The following DMD variants were observed in gnomAD, a reference collection of about 807,000 sequenced individuals.
DMD encodes mutant dystrophin.
In DMD, 63 loss-of-function variants were observed where a neutral mutation model predicts 330.1. The ratio of observed to expected loss-of-function variants is 0.19; its 90% CI spans 0.16 to 0.24. DMD has a LOEUF of 0.24. Ranked by LOEUF, DMD falls within the 10% of genes least tolerant of loss-of-function variation. The pLI is 1.00. For synonymous variants in DMD, 1,223 were observed against 959.8 expected (o/e 1.27, Z -5.07); for missense variants, 3,344 against 2,684.1 (o/e 1.25, Z -5.43).
intron 7 of DMD, among the ~76,000 whole-genome samples, chrX:32,777,037 C>T (rs1239735806): frequency 9.4e-6 from 1 of 106,161 alleles, no homozygotes; most frequent in East Asian, 3.0e-4. Flanking sequence ...GGGCGTGAGG[C>T]CTATATAGCA....
At chrX:31,825,978 T>C (rs2092886006) in intron 49 of DMD, among the ~76,000 whole-genome samples, 1 of 111,775 alleles carries the variant, frequency 8.9e-6, no homozygotes, top group African/African-American at 3.2e-5. Flanking sequence ...ATTTGTTGGT[T>C]AGATATTATG....
At chrX:31,877,512 C>A (rs917207029) in intron 47 of DMD, among the ~76,000 whole-genome samples, 1 of 112,200 alleles carries the variant, frequency 8.9e-6, no homozygotes, top group Non-Finnish European at 1.9e-5. Flanking sequence ...TCATTCCTGG[C>A]AGCCTTTCCC....
At chrX:31,640,687 A>G (rs995286077) in intron 54 of DMD, among the ~76,000 whole-genome samples, 1 of 112,504 alleles carries the variant, frequency 8.9e-6, no homozygotes, top group Non-Finnish European at 1.9e-5. Context: ...TGCTAACCCG[A>G]TAACTCCATG....
At chrX:32,934,649 T>C (rs1420874738) in intron 2 of DMD, among the ~76,000 whole-genome samples, 2 of 111,815 alleles carry the variant, frequency 1.8e-5, no homozygotes, top group African/African-American at 6.5e-5. Context: ...ATATATGTAA[T>C]GGATATGTAA....
At chrX:31,750,528 T>C (rs184647818) in intron 51 of DMD, among the ~76,000 whole-genome samples, 3 of 111,416 alleles carry the variant, frequency 2.7e-5, no homozygotes, top group East Asian at 5.7e-4. Flanking sequence ...ACCAGTACCA[T>C]GCTGTTTTGG....
intron 62 of DMD, among the ~76,000 whole-genome samples, chrX:31,292,318 A>G (rs1603305732): frequency 8.9e-6 from 1 of 112,017 alleles, no homozygotes; most frequent in East Asian, 2.8e-4. Context: ...GATACTTCAC[A>G]CAACAGGATA....
Position 31,688,180 on chromosome X carries a change from G to A in DMD, c.7661-8594C>T, listed in dbSNP as rs773019889. ...TTCAAAAAAATCAATGAATCCAGGA[G>A]CCAGTTTTTTGAAAAGATCAACAGA... is the stretch of plus-strand genomic sequence containing the variant. On this transcript the variant is annotated intron_variant, in intron 52 of 78. Transcript: ENST00000357033. Among the ~76,000 whole-genome samples the A allele has an allele frequency of 9.7e-4, 107 of 110,434 alleles. 1 individual carries two copies. The Admixed American group carries it at 0.01, about 10-fold the overall frequency.
chrX:32,252,260 C>G (rs1052852523), intron 43 of DMD, among the ~76,000 whole-genome samples: 1 of 110,535 alleles, frequency 9.0e-6, no homozygotes, highest in African/African-American at 3.3e-5. Flanking sequence ...TTGCAGGTCT[C>G]TGCTTCAATA....
chrX:32,407,686 C>T (rs370419866), intron 30 of DMD, among the ~76,000 whole-genome samples: 49 of 109,984 alleles, frequency 4.5e-4, no homozygotes, highest in African/African-American at 7.9e-4. Context: ...ATGTTTATTG[C>T]GGCACTATTC....
chrX:32,707,326 T>C lies in DMD; in HGVS notation c.650-8033A>G, dbSNP rs144581589. On this transcript the variant is annotated intron_variant, in intron 7 of 78. Coordinates refer to ENST00000357033, the MANE Select transcript of DMD (RefSeq NM_004006.3). ...CACTTGCCACTGTATCCCTGCTTCA[T>C]TGAATTGCCTTCCATAAAAGCCCTC... 3.9e-3 allele frequency among the ~76,000 whole-genome samples: 441 copies of C among 112,034 alleles called. 3 individuals are homozygous for C. Among genetic ancestry groups the C allele is most frequent in the African/African-American group, 0.013 (416 of 30,826 alleles).
intron 48 of DMD, among the ~76,000 whole-genome samples, chrX:31,869,984 A>G (rs887184416): frequency 9.0e-6 from 1 of 111,100 alleles, no homozygotes; most frequent in Non-Finnish European, 1.9e-5. Context: ...TTTCATGGAA[A>G]TCTCCTTCAT....
chrX:33,274,908 G>A (rs1433239353), intron 1 of DMD, among the ~76,000 whole-genome samples: 3 of 111,588 alleles, frequency 2.7e-5, no homozygotes, highest in African/African-American at 9.8e-5. Flanking sequence ...AGCCAGCAAT[G>A]AGCTGGATCC....
chrX:31,603,956 C>T (rs1381966537), intron 55 of DMD, among the ~76,000 whole-genome samples: 1 of 112,315 alleles, frequency 8.9e-6, no homozygotes, highest in African/African-American at 3.2e-5. Flanking sequence ...TCCACAATCT[C>T]TATCATTTCC....
chrX:31,725,844 G>C (rs979040303), intron 52 of DMD, among the ~76,000 whole-genome samples: 4 of 112,471 alleles, frequency 3.6e-5, no homozygotes, highest in African/African-American at 1.3e-4. Flanking sequence ...AATGATAAAA[G>C]GAAGCAGTTT....
chrX:32,830,117 T>TAC (rs1232453746), intron 4 of DMD, among the ~76,000 whole-genome samples: 1 of 111,596 alleles, frequency 9.0e-6, no homozygotes, highest in Non-Finnish European at 1.9e-5. Context: ...GCATTTATAT[T>TAC]ACTCTTCAAT....
At chrX:32,231,281 C>G (rs1177880917) in intron 43 of DMD, among the ~76,000 whole-genome samples, 2 of 112,104 alleles carry the variant, frequency 1.8e-5, no homozygotes, top group African/African-American at 3.2e-5. Flanking sequence ...ATTTTGATTT[C>G]GAGGCAAGTA....
chrX:32,939,810 A>G (rs1262395097), intron 2 of DMD, among the ~76,000 whole-genome samples: 1 of 111,349 alleles, frequency 9.0e-6, no homozygotes, highest in African/African-American at 3.3e-5. Flanking sequence ...TATAATAGCC[A>G]TAAAAAATAA....
chrX:32,430,132 T>A (rs1318490363), intron 29 of DMD, among the ~76,000 whole-genome samples: 2 of 111,535 alleles, frequency 1.8e-5, no homozygotes, highest in Non-Finnish European at 3.8e-5. Flanking sequence ...TATTTTCCAT[T>A]GCTTTTTTAT....
intron 26 of DMD, among the ~76,000 whole-genome samples, chrX:32,453,765 C>G (rs1276091804): frequency 9.0e-6 from 1 of 110,779 alleles, no homozygotes; most frequent in African/African-American, 3.3e-5. Flanking sequence ...TGGCATGGGG[C>G]CGAACTAAGT....
Sources: gnomAD v4.1 joint callset for allele counts (sites outside exome capture counted in the v4.1 genomes callset) on GRCh38, gnomAD v4.1.1 for gene constraint, MANE v1.5 for transcripts, NCBI Gene and HGNC (gene_info 2026-07-23, HGNC 2026-07-21) for gene names.